C4orf50: variants seen among roughly 807,000 people sequenced by gnomAD.
C4orf50 encodes chromosome 4 open reading frame 50.
C4orf50 carries 80 observed loss-of-function variants against 77.2 expected under a neutral mutation model. The observed-to-expected ratio is 1.04, with a 90% CI of 0.87 to 1.25. The LOEUF (loss-of-function observed/expected upper bound fraction) is 1.25. Among genes scored for constraint, C4orf50 ranks in the 50% most tolerant of loss-of-function variants. The pLI, the probability that C4orf50 is intolerant of heterozygous loss-of-function variation, is 0.00. For missense variants in C4orf50, 1,257 were observed against 1,152.9 expected (o/e 1.09, Z -1.31); for synonymous variants, 532 against 465.3 (o/e 1.14, Z -1.84).
In C4orf50 at chr4:6,011,454, G is replaced by T. The variant is rs913351438; in HGVS notation, c.426+376C>A. ...TAGCCCCCTGAACACACGCCATGGG[G>T]GATCGCACACTCCCCCATGGCACCC... On this transcript the variant is annotated intron_variant, in intron 24 of 33. Coordinates refer to ENST00000531445, the Ensembl canonical transcript of C4orf50. This position sits in a 1 kb window ranked among gnomAD's most constrained non-coding sequence, Gnocchi z 4.2. Among the ~76,000 whole-genome samples the T allele has an allele frequency of 1.2e-4, 19 of 152,046 alleles. No individual in the cohort carries two copies. The highest frequency in any genetic ancestry group is 8.5e-4 in the Admixed American group (13 of 15,292).
chr4:6,012,307 A>C (rs1319439895), intron 23 of C4orf50, among the ~76,000 whole-genome samples: 2 of 152,078 alleles, frequency 1.3e-5, no homozygotes, highest in Non-Finnish European at 2.9e-5. Context: ...GTTTCAATGA[A>C]TCCTCACATT....
intron 26 of C4orf50, among the ~76,000 whole-genome samples, chr4:5,993,197 C>CA (rs1209667401): frequency 6.6e-6 from 1 of 152,192 alleles, no homozygotes; most frequent in Admixed American, 6.5e-5. Flanking sequence ...CTGCACGGGA[C>CA]AAAATCCACC....
At chr4:6,003,897 T>TG (rs1560598121) in intron 25 of C4orf50, among the ~76,000 whole-genome samples, 131 of 68,278 alleles carry the variant, frequency 1.9e-3, no homozygotes, top group Admixed American at 3.5e-3. Flanking sequence ...ATGGTGATGA[T>TG]GTGATGGTGA....
chr4:6,008,314 G>C lies in C4orf50; in HGVS notation c.645C>G (p.Ala215=), dbSNP rs760642966. The C allele has an allele frequency of 1.8e-5, 7 of 388,742 alleles. No homozygotes were observed. Among genetic ancestry groups the C allele is most frequent in the Non-Finnish European group, 3.2e-5 (7 of 219,832 alleles). The allele number at this position is 388,742 out of a possible 1,614,324, so 24.1% of individuals were successfully genotyped here. The change falls in exon 25 of 34, where the codon GCC becomes GCG. Residue 215 remains alanine, a synonymous_variant. Coordinates refer to ENST00000531445, the Ensembl canonical transcript of C4orf50. The surrounding 1 kb of genome is among the most constrained non-coding windows in gnomAD (Gnocchi z 6.0). ...CCCACTGGGCCAGCAGGAGGCCCGC[G>C]GCGCGGCAGAGGCGCCGCACGTTGC...
chr4:6,009,626 G>T lies in C4orf50; in HGVS notation c.427-1094C>A, dbSNP rs1280903754. On this transcript the variant is annotated intron_variant, in intron 24 of 33. Transcript: ENST00000531445. This position sits in a 1 kb window ranked among gnomAD's most constrained non-coding sequence, Gnocchi z 5.6. ...GCCTTTGACAGCTTTCAGAATGACCGCAGGTCACTACAGAAACGAGGCATC... is the reference window on the plus strand; with the variant it reads ...GCCTTTGACAGCTTTCAGAATGACCTCAGGTCACTACAGAAACGAGGCATC... 7.2e-5 allele frequency among the ~76,000 whole-genome samples: 11 copies of T among 152,174 alleles called. No homozygotes were observed. The highest frequency in any genetic ancestry group is 1.0e-4 in the Non-Finnish European group (7 of 68,030).
intron 33 of C4orf50, among the ~76,000 whole-genome samples, chr4:5,962,643 A>G (rs769278108): frequency 2.0e-4 from 30 of 152,232 alleles, no homozygotes; most frequent in Non-Finnish European, 3.5e-4. Context: ...CTCCGGAGCC[A>G]GGTGCCCCTG....
rs1317839296 is a variant in C4orf50, at chr4:5,992,782, G to A, written c.1221+21C>T. 1 of 399,154 alleles carries A rather than the reference G, an allele frequency of 2.5e-6. No homozygotes were observed. The highest frequency in any genetic ancestry group is 1.3e-4 in the South Asian group (1 of 7,862). The allele number at this position is 399,154 out of a possible 1,614,324, so 24.7% of individuals were successfully genotyped here. On this transcript the variant is annotated intron_variant, in intron 27 of 33. Transcript: ENST00000531445. This position sits in a 1 kb window ranked among gnomAD's most constrained non-coding sequence, Gnocchi z 5.0. ...GGAACCAGTGGCACTGCACACACAC[G>A]CAGAAAGCCTCTGGCCTCACCTGTT...
Position 5,916,202 on chromosome 4 carries a change from C to T in C4orf50, c.*2475-18014G>A, listed in dbSNP as rs1193193252. Reference sequence around the variant, plus strand: ...TTTCTTATTCTGTCCTGGCTTCCCTCACTGGACAGGGAACAGACGCACCAA... The same window carrying T: ...TTTCTTATTCTGTCCTGGCTTCCCTTACTGGACAGGGAACAGACGCACCAA... On this transcript the variant is annotated intron_variant, in intron 7 of 7. Transcript: ENST00000324058. The surrounding 1 kb of genome is among the most constrained non-coding windows in gnomAD (Gnocchi z 4.4). Among the ~76,000 whole-genome samples the T allele has an allele frequency of 6.6e-6, 1 of 152,204 alleles. No individual in the cohort carries two copies. Among genetic ancestry groups the T allele is most frequent in the African/African-American group, 2.4e-5 (1 of 41,440 alleles).
At chr4:5,960,109 C>G (rs764085770) in intron 33 of C4orf50, among the ~76,000 whole-genome samples, 7 of 152,198 alleles carry the variant, frequency 4.6e-5, no homozygotes, top group Non-Finnish European at 1.0e-4. Context: ...ATCAGGCCCA[C>G]TTTATAGATG....
chr4:5,928,211 G>A (rs1717602916), intron 7 of C4orf50, among the ~76,000 whole-genome samples: 1 of 152,190 alleles, frequency 6.6e-6, no homozygotes, highest in Non-Finnish European at 1.5e-5. Context: ...CTCGGAAACA[G>A]TATCCATTTT....
intron 7 of C4orf50, chr4:5,898,683 G>A (rs936460950): frequency 2.0e-5 from 3 of 151,990 alleles, no homozygotes; most frequent in Non-Finnish European, 1.5e-5. Context: ...TGTATTACAC[G>A]ACTTTAAAAA....
downstream of C4orf50, among the ~76,000 whole-genome samples, chr4:5,955,532 C>G (rs139471766): frequency 5.7e-3 from 870 of 152,304 alleles, 6 homozygotes; most frequent in Non-Finnish European, 0.011. The surrounding 1 kb of genome is among the most constrained non-coding windows in gnomAD (Gnocchi z 5.1). Flanking sequence ...GAAAGCCAAG[C>G]CTGAAGGGGT....
chr4:6,004,304 GTGGTGA>G (rs756388116), intron 25 of C4orf50, among the ~76,000 whole-genome samples: 2 of 28,310 alleles, frequency 7.1e-5, no homozygotes, highest in African/African-American at 1.0e-4. Flanking sequence ...GATGGTGATG[GTGGTGA>G]TGATGTGATC....
At chr4:5,924,835 G>A (rs1034424640) in intron 7 of C4orf50, among the ~76,000 whole-genome samples, 3 of 152,264 alleles carry the variant, frequency 2.0e-5, no homozygotes, top group African/African-American at 7.2e-5. Context: ...AGTGGGAACA[G>A]GAAGGTGCAT....
chr4:5,953,680 C>T (rs1246759328), downstream of C4orf50, among the ~76,000 whole-genome samples: 1 of 152,164 alleles, frequency 6.6e-6, no homozygotes, highest in South Asian at 2.1e-4. Flanking sequence ...AGGTCCAGCC[C>T]CTCTGGCATT....
chr4:5,966,164 G>T (rs1334937195), intron 32 of C4orf50, among the ~76,000 whole-genome samples: 1 of 152,162 alleles, frequency 6.6e-6, no homozygotes, highest in Non-Finnish European at 1.5e-5. Context: ...GTCAGATAGG[G>T]GCTTCATTTT....
In C4orf50 at chr4:6,008,265, C is replaced by G; in HGVS notation, c.694G>C (p.Gly232Arg). ...AGTTCCGCAGCCGCCTCGGTGGCGC[C>G]CTGGGAGCCTGGGGCCGCGGTGTCC... Residue 232 changes from glycine to arginine, a missense_variant, in exon 25 of 34, where the codon GGC (glycine) becomes CGC (arginine). By Grantham distance (125) the Gly-to-Arg change is moderately radical (BLOSUM62 -2). Coordinates refer to ENST00000531445, the Ensembl canonical transcript of C4orf50. The surrounding 1 kb of genome is among the most constrained non-coding windows in gnomAD (Gnocchi z 6.0). 5.1e-6 allele frequency: 2 copies of G among 392,804 alleles called. No individual in the cohort carries two copies. The highest frequency in any genetic ancestry group is 9.0e-6 in the Non-Finnish European group (2 of 222,328). 24.3% of individuals were successfully genotyped at this position (392,804 alleles called of 1,614,324 possible). A position where few individuals can be genotyped will look rare whatever the true frequency, so the allele number is the denominator to read the frequency against.
chr4:5,955,262 G>C (rs1718903746), downstream of C4orf50, among the ~76,000 whole-genome samples: 1 of 152,106 alleles, frequency 6.6e-6, no homozygotes, highest in South Asian at 2.1e-4. This position sits in a 1 kb window ranked among gnomAD's most constrained non-coding sequence, Gnocchi z 5.1. Context: ...ACGGCCCTTG[G>C]AGGCAGGCAA....
intron 7 of C4orf50, among the ~76,000 whole-genome samples, chr4:5,951,902 C>T: frequency 6.6e-6 from 1 of 152,184 alleles, no homozygotes; most frequent in Non-Finnish European, 1.5e-5. Context: ...TCCAATCCCT[C>T]TCCTCCTCTG....
Sources: gnomAD v4.1 joint callset for allele counts (sites outside exome capture counted in the v4.1 genomes callset) on GRCh38, gnomAD v4.1.1 for gene constraint, Gnocchi (gnomAD v3.1) non-coding constraint, MANE v1.5 for transcripts, NCBI Gene and HGNC (gene_info 2026-07-23, HGNC 2026-07-21) for gene names.